The following SLC5A10 variants were observed in gnomAD, a reference collection of about 807,000 sequenced individuals.
SLC5A10 encodes solute carrier family 5 member 10.
Under a neutral mutation model 68.9 loss-of-function variants are expected in SLC5A10, and 55 were observed. The observed-to-expected ratio is 0.80, with a 90% CI of 0.64 to 1.00. SLC5A10 has a LOEUF of 1.00. SLC5A10 is among the 50% of genes least tolerant of loss of function. The pLI, the probability that SLC5A10 is intolerant of heterozygous loss-of-function variation, is 0.00. For synonymous variants in SLC5A10, 344 were observed against 344.8 expected, an observed-to-expected ratio of 1.00 and a Z score of 0.02; for missense variants, 732 against 819.3, an observed-to-expected ratio of 0.89 and a Z score of 1.30.
At chr17:18,956,021 C>A (rs555316477) in intron 1 of SLC5A10, among the ~76,000 whole-genome samples, 3 of 152,116 alleles carry the variant, frequency 2.0e-5, no homozygotes, top group Admixed American at 1.3e-4. Flanking sequence ...ATGGAGGAAC[C>A]CCATCTCTAC....
At chr17:18,979,482 A>C (rs988996542) in intron 9 of SLC5A10, 3 of 1,583,758 alleles carry the variant, frequency 1.9e-6, no homozygotes, top group Non-Finnish European at 2.6e-6. Flanking sequence ...GGTTAGGATT[A>C]AGGGCAGAAG....
intron 8 of SLC5A10, among the ~76,000 whole-genome samples, chr17:18,972,659 G>A (rs1384626543): frequency 2.6e-5 from 4 of 152,044 alleles, no homozygotes; most frequent in Non-Finnish European, 5.9e-5. Flanking sequence ...TCAGGAGATC[G>A]AGACCATCCT....
chr17:19,011,461 G>T (rs1196661535), intron 9 of SLC5A10, among the ~76,000 whole-genome samples: 1 of 152,190 alleles, frequency 6.6e-6, no homozygotes. Flanking sequence ...ACTGTCAAGG[G>T]CCTCGAATGC....
chr17:19,000,117 G>A lies in SLC5A10; in HGVS notation c.983-13293G>A, dbSNP rs929946703. On this transcript the variant is annotated intron_variant, in intron 9 of 14. Coordinates refer to ENST00000395645, the MANE Select transcript of SLC5A10 (RefSeq NM_001042450.4). This position sits in a 1 kb window ranked among gnomAD's most constrained non-coding sequence, Gnocchi z 5.2. ...TTACAAGCCCGTCCTCTGGTATGTA[G>A]TTGGAACCCCACAGCAGGTTTTTTC... Among the ~76,000 whole-genome samples the A allele has an allele frequency of 5.3e-5, 8 of 152,240 alleles. No individual in the cohort carries two copies. The highest frequency in any genetic ancestry group is 1.9e-4 in the African/African-American group (8 of 41,456).
chr17:19,014,862 C>T (rs562517913), intron 10 of SLC5A10, among the ~76,000 whole-genome samples, 187 bp from the exon 11 acceptor site: 1 of 152,290 alleles, frequency 6.6e-6, no homozygotes, highest in East Asian at 1.9e-4. Flanking sequence ...TTGTCCTTGG[C>T]CTCCCCAGTC....
intron 9 of SLC5A10, among the ~76,000 whole-genome samples, chr17:19,011,653 A>C (rs998385803): frequency 6.6e-6 from 1 of 151,712 alleles, no homozygotes; most frequent in Non-Finnish European, 1.5e-5. Flanking sequence ...AGGGGGAAGA[A>C]GCTATGAGCC....
In SLC5A10 at chr17:19,020,392, CAT is replaced by C. The variant is rs2044243756; in HGVS notation, c.1753_1754del (p.Met585ValfsTer24). 1 of 1,614,124 alleles carries C rather than the reference CAT, an allele frequency of 6.2e-7. No individual in the cohort carries two copies. The highest frequency in any genetic ancestry group is 1.1e-5 in the South Asian group (1 of 91,078). ...TCTGTGGCTTCAATGCCATCCTCCT[CAT>C]GTGTGTCAACATATTCTTTTATGCC... Reference protein sequence around the residue: ...RVCGFNAILLMCVNIFFYAYF... With the variant: ...RVCGFNAILLXCVNIFFYAYF... On this transcript the variant is annotated frameshift_variant, in exon 15 of 15. Coordinates refer to ENST00000395645, the MANE Select transcript of SLC5A10 (RefSeq NM_001042450.4). LOFTEE classifies it high-confidence loss of function.
At chr17:18,959,109 G>C in intron 2 of SLC5A10, 26 bp from the exon 3 acceptor site, 1 of 1,598,344 alleles carries the variant, frequency 6.3e-7, no homozygotes, top group African/African-American at 1.3e-5. Flanking sequence ...GCCTGCTGCT[G>C]ATGCGTTTCC....
chr17:18,952,444 G>A, intron 1 of SLC5A10, 128 bp downstream of exon 1: 8 of 1,172,378 alleles, frequency 6.8e-6, no homozygotes, highest in Non-Finnish European at 9.5e-6. Flanking sequence ...GATCCTTGTG[G>A]TCCTCCTCCC....
At chr17:18,995,733 C>A (rs1184939813) in intron 9 of SLC5A10, among the ~76,000 whole-genome samples, 1 of 151,918 alleles carries the variant, frequency 6.6e-6, no homozygotes, top group Non-Finnish European at 1.5e-5. Context: ...CATGGCAAAA[C>A]CCTGTCTCTA....
intron 9 of SLC5A10, among the ~76,000 whole-genome samples, chr17:19,005,294 G>C (rs1483482876): frequency 6.6e-6 from 1 of 152,214 alleles, no homozygotes; most frequent in East Asian, 1.9e-4. Context: ...GCTTCTGCGT[G>C]GCGGGCAGCA....
intron 9 of SLC5A10, among the ~76,000 whole-genome samples, chr17:18,991,139 C>G (rs2043411879): frequency 6.6e-6 from 1 of 152,214 alleles, no homozygotes; most frequent in Non-Finnish European, 1.5e-5. Context: ...GCCACCTTGC[C>G]TAATTCTGTT....
rs139177710 is a variant in SLC5A10, at chr17:18,993,106, C to T, written c.982+16117C>T. Among the ~76,000 whole-genome samples the T allele has an allele frequency of 2.0e-3, 303 of 152,260 alleles. 1 individual carries two copies. Among genetic ancestry groups the T allele is most frequent in the Non-Finnish European group, 3.6e-3 (248 of 67,998 alleles). On this transcript the variant is annotated intron_variant, in intron 9 of 14. Coordinates refer to ENST00000395645, the MANE Select transcript of SLC5A10 (RefSeq NM_001042450.4). ...TGGTTCCGAGCATGGTGGGAAACCA[C>T]GGGTGCACAGGCCCAGCCTCTGCAG...
At chr17:19,002,577 T>C (rs2043758262) in intron 9 of SLC5A10, among the ~76,000 whole-genome samples, 1 of 152,228 alleles carries the variant, frequency 6.6e-6, no homozygotes, top group South Asian at 2.1e-4. Context: ...GGCCCAGACC[T>C]GGCTTCAGAA....
rs774547171 is a variant in SLC5A10, at chr17:18,971,580, C to G, written c.846+362C>G. The G allele has an allele frequency of 1.2e-6, 2 of 1,613,604 alleles. No individual in the cohort carries two copies. Among genetic ancestry groups the G allele is most frequent in the African/African-American group, 1.3e-5 (1 of 75,040 alleles). On this transcript the variant is annotated intron_variant, in intron 8 of 14. Transcript: ENST00000395645. The surrounding 1 kb of genome is among the most constrained non-coding windows in gnomAD (Gnocchi z 5.5). ...CCGGGATCCGGAAGCAGGCGGGGTA[C>G]CTGACCTCCCTTGGCCTGCCAGTGG...
At position 18,959,205 on chromosome 17, in the gene SLC5A10, C is replaced by T. The variant is rs1639307143; in HGVS notation, c.254C>T (p.Ala85Val). ...ATTGGACTGGCGGGCTCAGGCGCGG[C>T]AGGAGGTCTGGCCGTGGCAGGCTTC... ...LFIGLAGSGA[A>V]GGLAVAGFEW... The change falls in exon 3 of 15, where the codon GCA becomes GTA. Residue 85 changes from alanine (A) to valine (V), a missense_variant. Transcript: ENST00000395645. The T allele has an allele frequency of 6.2e-7, 1 of 1,613,208 alleles. No individual in the cohort carries two copies. Among genetic ancestry groups the T allele is most frequent in the African/African-American group, 1.3e-5 (1 of 74,934 alleles).
At chr17:18,999,824 C>T (rs1403680079) in intron 9 of SLC5A10, among the ~76,000 whole-genome samples, 4 of 152,220 alleles carry the variant, frequency 2.6e-5, no homozygotes, top group Admixed American at 2.0e-4. Flanking sequence ...TGGCCACCGG[C>T]GCCTCACCTG....
rs770835353 is a variant in SLC5A10 at position 18,971,564 on chromosome 17, G to A, written c.846+346G>A. The A allele has an allele frequency of 7.4e-6, 12 of 1,613,670 alleles. No homozygotes were observed. The highest frequency in any genetic ancestry group is 1.3e-5 in the African/African-American group (1 of 74,934). On this transcript the variant is annotated intron_variant, in intron 8 of 14. Coordinates refer to ENST00000395645, the MANE Select transcript of SLC5A10 (RefSeq NM_001042450.4). The surrounding 1 kb of genome is among the most constrained non-coding windows in gnomAD (Gnocchi z 5.5). ...GGCCAGTCTTGGGCTGCCGGGATCC[G>A]GAAGCAGGCGGGGTACCTGACCTCC...
Position 18,971,199 on chromosome 17 carries a change from G to T in SLC5A10, c.827G>T (p.Trp276Leu). 6.2e-7 allele frequency: 1 copy of T among 1,613,950 alleles called. No homozygotes were observed. Residue 276 changes from tryptophan to leucine, a missense_variant, in exon 8 of 15, where the codon TGG becomes TTG. Coordinates refer to ENST00000395645, the MANE Select transcript of SLC5A10 (RefSeq NM_001042450.4). The surrounding 1 kb of genome is among the most constrained non-coding windows in gnomAD (Gnocchi z 5.5). ...TTTGGCCTGACCATCATGGCCACCT[G>T]GTACTGGTGCACCGACCAGGTGAGT... ...MTFGLTIMAT[W>L]YWCTDQVIVQ...
Sources: allele counts gnomAD v4.1 joint callset (sites outside exome capture counted in the v4.1 genomes callset), GRCh38; gene constraint gnomAD v4.1.1; non-coding constraint Gnocchi (gnomAD v3.1); transcripts MANE v1.5; gene names NCBI Gene and HGNC (gene_info 2026-07-23, HGNC 2026-07-21).